HPSE2: variants seen among roughly 807,000 people sequenced by gnomAD.
HPSE2 encodes the protein heparanase 2 (inactive).
A neutral mutation model predicts 60.5 loss-of-function variants in HPSE2; 38 were observed. That is an observed-to-expected ratio of 0.63 (90% CI 0.48 to 0.82). The LOEUF (loss-of-function observed/expected upper bound fraction) is 0.82. HPSE2 is among the 40% of genes least tolerant of loss of function. HPSE2 has a pLI of 0.00. For missense variants in HPSE2, 713 were observed against 740.4 expected, an observed-to-expected ratio of 0.96 and a Z score of 0.43; for synonymous variants, 295 against 293.2, an observed-to-expected ratio of 1.01 and a Z score of -0.06.
At chr10:98,661,941 C>G (rs1947234856) in intron 6 of HPSE2, among the ~76,000 whole-genome samples, 1 of 152,142 alleles carries the variant, frequency 6.6e-6, no homozygotes, top group Admixed American at 6.5e-5. Context: ...TGCTATGTCG[C>G]CAGGCTGGAG....
intron 3 of HPSE2, among the ~76,000 whole-genome samples, chr10:98,896,008 C>T (rs1300973908): frequency 6.6e-6 from 1 of 150,824 alleles, no homozygotes; most frequent in Non-Finnish European, 1.5e-5. Flanking sequence ...ATGGGTACAG[C>T]ACACCAGCAT....
chr10:99,173,930 C>T (rs1051130865), intron 2 of HPSE2, among the ~76,000 whole-genome samples: 3 of 123,956 alleles, frequency 2.4e-5, no homozygotes, highest in African/African-American at 1.0e-4. Context: ...GCAACAAGAG[C>T]GAGACTCTGT....
At chr10:98,711,746 G>T (rs771033758) in intron 5 of HPSE2, among the ~76,000 whole-genome samples, 3 of 152,080 alleles carry the variant, frequency 2.0e-5, no homozygotes, top group Non-Finnish European at 2.9e-5. Flanking sequence ...TAATATTTGT[G>T]CACCTACATT....
intron 9 of HPSE2, among the ~76,000 whole-genome samples, chr10:98,569,230 A>AT (rs911244947): frequency 4.0e-5 from 6 of 151,674 alleles, no homozygotes; most frequent in African/African-American, 9.7e-5. Context: ...CGCCCAGCTA[A>AT]TTTTTTTGTA....
At chr10:98,591,451 C>T (rs1945088213) in intron 9 of HPSE2, among the ~76,000 whole-genome samples, 1 of 152,088 alleles carries the variant, frequency 6.6e-6, no homozygotes, top group African/African-American at 2.4e-5. Flanking sequence ...TCACCTGAGG[C>T]TAGGAGTTCG....
At chr10:98,480,807 GT>G (rs1302607681) in intron 11 of HPSE2, among the ~76,000 whole-genome samples, 1 of 152,162 alleles carries the variant, frequency 6.6e-6, no homozygotes, top group Non-Finnish European at 1.5e-5. Flanking sequence ...GAAAGCAATT[GT>G]ATCCTTCCTC....
intron 3 of HPSE2, among the ~76,000 whole-genome samples, chr10:98,879,585 A>T (rs1952965070): frequency 1.3e-5 from 2 of 151,722 alleles, no homozygotes; most frequent in African/African-American, 2.4e-5. Flanking sequence ...TCCTACCATG[A>T]TGTGTATCCT....
At chr10:98,707,378 T>A (rs1165409479) in intron 5 of HPSE2, among the ~76,000 whole-genome samples, 1 of 152,188 alleles carries the variant, frequency 6.6e-6, no homozygotes, top group Non-Finnish European at 1.5e-5. Flanking sequence ...GACAGGCAAT[T>A]CAGAACATTT....
At chr10:98,775,076 G>C (rs576806909) in intron 3 of HPSE2, among the ~76,000 whole-genome samples, 1 of 152,338 alleles carries the variant, frequency 6.6e-6, no homozygotes, top group East Asian at 1.9e-4. Flanking sequence ...TATGCTGAGA[G>C]ATACAGGCAG....
chr10:98,769,028 C>A (rs570331722), intron 3 of HPSE2, among the ~76,000 whole-genome samples: 2 of 152,156 alleles, frequency 1.3e-5, no homozygotes, highest in Non-Finnish European at 2.9e-5. Flanking sequence ...GCCTGCATGA[C>A]AGAGCAAGAC....
At chr10:98,601,782 G>T (rs1424817522) in intron 9 of HPSE2, among the ~76,000 whole-genome samples, 6 of 152,012 alleles carry the variant, frequency 3.9e-5, no homozygotes, top group African/African-American at 1.5e-4. Flanking sequence ...GCATAAATTT[G>T]GGCCCACTGC....
chr10:98,470,702 C>G (rs902854732), intron 11 of HPSE2, among the ~76,000 whole-genome samples: 1 of 152,204 alleles, frequency 6.6e-6, no homozygotes, highest in Non-Finnish European at 1.5e-5. Flanking sequence ...TATGTTAGCT[C>G]TACCCTAACT....
chr10:98,890,847 A>C (rs185904618), intron 3 of HPSE2, among the ~76,000 whole-genome samples: 2 of 152,200 alleles, frequency 1.3e-5, no homozygotes. Flanking sequence ...TAGTGACAGG[A>C]CTAGATTGTA....
At chr10:98,487,941 G>A (rs1941499434) in intron 10 of HPSE2, among the ~76,000 whole-genome samples, 1 of 152,216 alleles carries the variant, frequency 6.6e-6, no homozygotes, top group Non-Finnish European at 1.5e-5. Flanking sequence ...CCAGCTCCGT[G>A]CATTCACTGT....
At chr10:98,817,997 C>G (rs765451190) in intron 3 of HPSE2, among the ~76,000 whole-genome samples, 1 of 152,012 alleles carries the variant, frequency 6.6e-6, no homozygotes, top group African/African-American at 2.4e-5. Flanking sequence ...TGTTCATACT[C>G]CAGTCCCTCA....
intron 3 of HPSE2, among the ~76,000 whole-genome samples, chr10:99,133,472 C>T (rs1415717925): frequency 6.6e-6 from 1 of 152,184 alleles, no homozygotes; most frequent in Non-Finnish European, 1.5e-5. Flanking sequence ...GGCTAACGGA[C>T]ACCTCATACA....
At chr10:98,510,026 C>T (rs1252799049) in intron 9 of HPSE2, among the ~76,000 whole-genome samples, 1 of 152,004 alleles carries the variant, frequency 6.6e-6, no homozygotes, top group African/African-American at 2.4e-5. Context: ...GGGTCATTTT[C>T]CCAGGGAGCA....
chr10:99,046,609 G>A (rs1006658449), intron 3 of HPSE2, among the ~76,000 whole-genome samples: 4 of 151,952 alleles, frequency 2.6e-5, no homozygotes, highest in African/African-American at 4.8e-5. Context: ...TACTATAAAA[G>A]ATCAATGATT....
intron 9 of HPSE2, among the ~76,000 whole-genome samples, chr10:98,599,499 G>A (rs572805087): frequency 4.6e-5 from 7 of 152,206 alleles, no homozygotes; most frequent in South Asian, 4.2e-4. Context: ...GGTGCAGGGC[G>A]GGTTTGGAGA....
Sources: gnomAD v4.1 joint callset for allele counts (sites outside exome capture counted in the v4.1 genomes callset) on GRCh38, gnomAD v4.1.1 for gene constraint, MANE v1.5 for transcripts, NCBI Gene and HGNC (gene_info 2026-07-23, HGNC 2026-07-21) for gene names.